Variants in SYTL4 observed in about 807,000 individuals in gnomAD.
The protein encoded by SYTL4 is synaptotagmin-like protein 4.
A neutral mutation model predicts 52.7 loss-of-function variants in SYTL4; 16 were observed. The ratio of observed to expected loss-of-function variants is 0.30; its 90% CI spans 0.21 to 0.46. SYTL4 has a LOEUF of 0.46. Among genes scored for constraint, SYTL4 ranks in the 20% least tolerant of loss-of-function variants. SYTL4 has a pLI of 1.00. For missense variants in SYTL4, 423 were observed against 519.9 expected (o/e 0.81, Z 1.81); for synonymous variants, 160 against 186.6 (o/e 0.86, Z 1.16).
intron 8 of SYTL4, among the ~76,000 whole-genome samples, chrX:100,695,227 TCTAA>T (rs765350879): frequency 1.8e-5 from 2 of 111,819 alleles, no homozygotes; most frequent in South Asian, 7.5e-4. Context: ...AGCCCTGGGC[TCTAA>T]CTATCTGTAT....
intron 10 of SYTL4, 49 bp downstream of exon 10, chrX:100,690,514 A>G (rs1306950593): frequency 9.8e-7 from 1 of 1,022,749 alleles, no homozygotes; most frequent in African/African-American, 1.9e-5. Flanking sequence ...GTAAAGGAGA[A>G]AGGGAAGGAA....
chrX:100,681,911 A>G (rs1441429840), intron 16 of SYTL4, among the ~76,000 whole-genome samples: 1 of 112,609 alleles, frequency 8.9e-6, no homozygotes, highest in Non-Finnish European at 1.9e-5. Flanking sequence ...ATATATTCAT[A>G]GTTGTACATG....
At chrX:100,701,815 TG>T (rs2083859525) in intron 5 of SYTL4, 112 bp downstream of exon 5, 4 of 793,413 alleles carry the variant, frequency 5.0e-6, no homozygotes, top group Non-Finnish European at 7.4e-6. Context: ...CAATAAGTAG[TG>T]GTAAACATCA....
intron 8 of SYTL4, among the ~76,000 whole-genome samples, chrX:100,693,711 A>G (rs1246449213): frequency 8.9e-6 from 1 of 112,399 alleles, no homozygotes; most frequent in Non-Finnish European, 1.9e-5. Context: ...ACTAAACAAT[A>G]TATGTCCACA....
At chrX:100,730,275 G>T (rs749596731) in intron 2 of SYTL4, among the ~76,000 whole-genome samples, 7 of 111,590 alleles carry the variant, frequency 6.3e-5, no homozygotes, top group Non-Finnish European at 1.1e-4. Context: ...ACATCAGTAA[G>T]GTAAGTAGTC....
intron 8 of SYTL4, among the ~76,000 whole-genome samples, chrX:100,700,036 CA>C (rs1003822702): frequency 4.5e-5 from 5 of 110,906 alleles, no homozygotes; most frequent in Admixed American, 2.9e-4. Context: ...TAGGCAAATA[CA>C]GAGAGACAGA....
chrX:100,708,219 A>T (rs918725742), intron 2 of SYTL4, among the ~76,000 whole-genome samples: 4 of 110,863 alleles, frequency 3.6e-5, no homozygotes, highest in African/African-American at 6.6e-5. Context: ...AAAGTATAAT[A>T]AAAAAAATTA....
intron 2 of SYTL4, among the ~76,000 whole-genome samples, chrX:100,720,318 TC>T (rs1368667971): frequency 2.7e-5 from 3 of 111,851 alleles, no homozygotes; most frequent in African/African-American, 9.8e-5. Context: ...AAATCTAAAA[TC>T]CCCAACTAAA....
chrX:100,702,518 G>C (rs770522538), intron 4 of SYTL4, among the ~76,000 whole-genome samples: 6 of 111,951 alleles, frequency 5.4e-5, no homozygotes, highest in Non-Finnish European at 1.1e-4. Flanking sequence ...GCACATGAAG[G>C]CTCCTGCCAG....
chrX:100,691,053 G>A lies in SYTL4; in HGVS notation c.641+55C>T. 4.3e-6 allele frequency: 4 copies of A among 939,629 alleles called. No homozygotes were observed. In the South Asian group the frequency reaches 8.3e-5, roughly 19 times the overall value. 77.4% of individuals were successfully genotyped at this position (939,629 alleles called of 1,213,427 possible). On this transcript the variant is annotated intron_variant, in intron 9 of 19. Transcript: ENST00000372989. The stretch of plus-strand genomic sequence containing the variant: ...AGAAGTCAGGAACACTGATGCTGCA[G>A]AACAAAATCACAACTTGGGTTGAGA...
chrX:100,722,185 G>C (rs1446522990), intron 2 of SYTL4, among the ~76,000 whole-genome samples: 1 of 110,827 alleles, frequency 9.0e-6, no homozygotes, highest in African/African-American at 3.3e-5. Context: ...AAAAACCATA[G>C]CTCTTCTAAG....
In SYTL4 at chrX:100,685,825, A is replaced by G. The variant is rs1428213598; in HGVS notation, c.1449+165T>C. On this transcript the variant is annotated intron_variant, in intron 16 of 19. Coordinates refer to ENST00000372989, the MANE Select transcript of SYTL4 (RefSeq NM_001370165.1). ...GGTTTACACAGAACTCACACTTGATAGACAAATGCCTCTGAAATTGCTGTC... is the reference window on the plus strand; with the variant it reads ...GGTTTACACAGAACTCACACTTGATGGACAAATGCCTCTGAAATTGCTGTC... 6.1e-6 allele frequency: 3 copies of G among 489,489 alleles called. No individual in the cohort carries two copies. In the African/African-American group the frequency reaches 7.2e-5, roughly 12 times the overall value. 40.3% of individuals were successfully genotyped at this position (489,489 alleles called of 1,213,427 possible).
rs764206265 is a variant in SYTL4, at chrX:100,701,663, TC to T, written c.120del (p.Asn41MetfsTer6). Reference sequence around the variant, plus strand: ...TTCCTTTTTATCTCCAGTAACTCATTCTTTAGTCGCCTGCCAAGACCCAAAA... The same window carrying T: ...TTCCTTTTTATCTCCAGTAACTCATTTTTAGTCGCCTGCCAAGACCCAAAA... Reference protein sequence around the residue: ...KADEKRIRRLKNELLEIKRKG... With the variant: ...KADEKRIRRLXNELLEIKRKG... On this transcript the variant is annotated frameshift_variant, in exon 6 of 20. Coordinates refer to ENST00000372989, the MANE Select transcript of SYTL4 (RefSeq NM_001370165.1). LOFTEE classifies it high-confidence loss of function. 1 of 1,209,287 alleles carries T rather than the reference TC, an allele frequency of 8.3e-7. No individual in the cohort carries two copies. Among genetic ancestry groups the T allele is most frequent in the Non-Finnish European group, 1.1e-6 (1 of 894,811 alleles).
In SYTL4 at chrX:100,676,179, G is replaced by A; in HGVS notation, c.1868-3C>T. On this transcript the variant is annotated splice_region_variant and splice_polypyrimidine_tract_variant and intron_variant, in intron 19 of 19. Coordinates refer to ENST00000372989, the MANE Select transcript of SYTL4 (RefSeq NM_001370165.1). ...CACCACTTCCCCATTACTGATCCCT[G>A]AGGAGAAACACCAGAAGAGGCTAAA... The A allele has an allele frequency of 8.3e-7, 1 of 1,211,043 alleles. No homozygotes were observed. Among genetic ancestry groups the A allele is most frequent in the Non-Finnish European group, 1.1e-6 (1 of 895,287 alleles).
At chrX:100,679,483 A>G in intron 17 of SYTL4, 71 bp from the exon 18 acceptor site, 1 of 883,449 alleles carries the variant, frequency 1.1e-6, no homozygotes, top group Non-Finnish European at 1.6e-6. Context: ...TTGTTTATGC[A>G]GCACTTTCTT....
At position 100,682,236 on chromosome X, in the gene SYTL4, G is replaced by A. The variant is rs746965489; in HGVS notation, c.1450-901C>T. On this transcript the variant is annotated intron_variant, in intron 16 of 19. Transcript: ENST00000372989. ...CCAGGATACGAACAAACTTATCCTC[G>A]TTTCCTCTAGGGAGGGCAACAGAAT... is the stretch of plus-strand genomic sequence containing the variant. Among the ~76,000 whole-genome samples the A allele has an allele frequency of 3.6e-5, 4 of 111,717 alleles. No individual in the cohort carries two copies. In the South Asian group the frequency reaches 1.1e-3, roughly 32 times the overall value.
intron 2 of SYTL4, among the ~76,000 whole-genome samples, chrX:100,720,916 A>G (rs144827506): frequency 2.0e-3 from 221 of 111,708 alleles, no homozygotes; most frequent in African/African-American, 7.0e-3. Flanking sequence ...AAATAATAAA[A>G]TAAATTGGAG....
chrX:100,724,862 G>A (rs1193689132), intron 2 of SYTL4, among the ~76,000 whole-genome samples: 1 of 1,765 alleles, frequency 5.7e-4, no homozygotes, highest in Non-Finnish European at 2.5e-3. Flanking sequence ...ACCCAAGAAT[G>A]ATCAATAAAA....
At chrX:100,705,717 A>G (rs1017686540) in intron 2 of SYTL4, among the ~76,000 whole-genome samples, 1 of 111,821 alleles carries the variant, frequency 8.9e-6, no homozygotes, top group Non-Finnish European at 1.9e-5. Flanking sequence ...AGACCAAGTA[A>G]TATCAAAATC....
Sources: gnomAD v4.1 joint callset for allele counts (sites outside exome capture counted in the v4.1 genomes callset) on GRCh38, gnomAD v4.1.1 for gene constraint, MANE v1.5 for transcripts, NCBI Gene and HGNC (gene_info 2026-07-23, HGNC 2026-07-21) for gene names.